The following MYDGF variants were observed in gnomAD, a reference collection of about 807,000 sequenced individuals.
MYDGF encodes myeloid derived growth factor.
A neutral mutation model predicts 24.2 loss-of-function variants in MYDGF; 29 were observed. The observed-to-expected ratio is 1.20, with a 90% CI of 0.89 to 1.63. The LOEUF (loss-of-function observed/expected upper bound fraction) is 1.63, where lower values mean the gene tolerates loss of function less well. MYDGF is among the 40% of genes most tolerant of loss of function. MYDGF has a pLI of 0.00. For missense variants in MYDGF, 245 were observed against 234.8 expected, an observed-to-expected ratio of 1.04 and a Z score of -0.29; for synonymous variants, 105 against 102.5, an observed-to-expected ratio of 1.02 and a Z score of -0.15.
intron 1 of MYDGF, 61 bp from the exon 2 acceptor site, chr19:4,668,706 C>T (rs967843207): frequency 2.1e-5 from 30 of 1,458,822 alleles, no homozygotes; most frequent in Middle Eastern, 2.4e-4. Context: ...GTTTAAGAGA[C>T]GGGGTCTTGC....
chr19:4,663,410 T>C (rs1229250098), intron 3 of MYDGF, among the ~76,000 whole-genome samples: 25 of 112,640 alleles, frequency 2.2e-4, no homozygotes, highest in South Asian at 3.6e-4. Flanking sequence ...CAGCCTCCAA[T>C]CTGTGCCCTC....
chr19:4,669,474 C>T (rs925270541), intron 1 of MYDGF, among the ~76,000 whole-genome samples: 3 of 152,062 alleles, frequency 2.0e-5, no homozygotes, highest in Non-Finnish European at 2.9e-5. Flanking sequence ...AACAATTATC[C>T]GGGTGTGGTG....
chr19:4,659,828 G>T, intron 5 of MYDGF, 103 bp downstream of exon 5: 1 of 984,242 alleles, frequency 1.0e-6, no homozygotes, highest in Non-Finnish European at 1.6e-6. Flanking sequence ...CTGGTCTACA[G>T]TCTCCAGGAC....
intron 3 of MYDGF, among the ~76,000 whole-genome samples, chr19:4,663,622 AG>A: frequency 2.2e-5 from 2 of 90,728 alleles, no homozygotes; most frequent in Non-Finnish European, 4.4e-5. Flanking sequence ...CTCATTCTAC[AG>A]CCTCCAATCT....
At chr19:4,666,413 T>C (rs997695805) in intron 2 of MYDGF, among the ~76,000 whole-genome samples, 1 of 151,950 alleles carries the variant, frequency 6.6e-6, no homozygotes, top group African/African-American at 2.4e-5. Context: ...GTAGCTGGGA[T>C]TACAGGCGCG....
At chr19:4,662,414 G>A (rs566202331) in intron 3 of MYDGF, among the ~76,000 whole-genome samples, 6 of 152,174 alleles carry the variant, frequency 3.9e-5, no homozygotes, top group African/African-American at 9.7e-5. Context: ...TGAAGCCCCC[G>A]ACCCCCTCCC....
chr19:4,668,618 C>T lies in MYDGF; in HGVS notation c.202G>A (p.Ala68Thr), dbSNP rs371227444. ...GDKYTCMFTY[A>T]SQGGTNEQWQ... ...ACCTCATTGGTCCCTCCTTGAGAGGCGTAAGTGAACATACACGTATATTTG... is the reference window on the plus strand; with the variant it reads ...ACCTCATTGGTCCCTCCTTGAGAGGTGTAAGTGAACATACACGTATATTTG... Residue 68 changes from alanine (A) to threonine (T), a missense_variant, in exon 2 of 6, where the codon GCC becomes ACC. Physicochemically the swap from Ala to Thr is moderately conservative, Grantham distance 58. Coordinates refer to ENST00000262947, the MANE Select transcript of MYDGF (RefSeq NM_019107.4). 4.4e-5 allele frequency: 71 copies of T among 1,612,708 alleles called. No homozygotes were observed. The highest frequency in any genetic ancestry group is 6.7e-5 in the African/African-American group (5 of 74,812).
chr19:4,668,345 T>C (rs1018278451), intron 2 of MYDGF, among the ~76,000 whole-genome samples: 1 of 152,234 alleles, frequency 6.6e-6, no homozygotes, highest in African/African-American at 2.4e-5. Flanking sequence ...CAGATGCTCA[T>C]GGGGATGGCA....
intron 3 of MYDGF, 51 bp downstream of exon 3, chr19:4,664,825 A>G (rs764739569): frequency 6.3e-7 from 1 of 1,597,404 alleles, no homozygotes; most frequent in South Asian, 1.1e-5. Context: ...TCCTGAGGCC[A>G]CAGGGCAGGC....
rs1262772904 is a variant in MYDGF, at chr19:4,670,272, T to G, written c.63A>C (p.Leu21=). 6.5e-7 allele frequency: 1 copy of G among 1,547,272 alleles called. No homozygotes were observed. ...CCGCCGGCCTCAGCGCCACGGCCCC[T>G]AGGAGCAGCGCGGCCCACAAGCTCG... ...VGASLWAALL[L]GAVALRPAEA... is the part of the protein sequence containing the mutation. Residue 21 remains leucine (L), a synonymous_variant, in exon 1 of 6, where the codon CTA becomes CTC. Transcript: ENST00000262947.
intron 2 of MYDGF, among the ~76,000 whole-genome samples, chr19:4,667,118 ACC>A (rs1314072487): frequency 1.9e-5 from 2 of 106,104 alleles, no homozygotes; most frequent in African/African-American, 3.6e-5. Context: ...GCTTCAAATC[ACC>A]CTTTTTTTTT....
At chr19:4,663,790 T>G (rs1295730984) in intron 3 of MYDGF, among the ~76,000 whole-genome samples, 2 of 46,590 alleles carry the variant, frequency 4.3e-5, no homozygotes, top group African/African-American at 2.2e-4. Context: ...CCCATCCTCA[T>G]TCTACACAGC....
At chr19:4,670,124 C>A in intron 1 of MYDGF, 37 bp downstream of exon 1, 3 of 1,451,012 alleles carry the variant, frequency 2.1e-6, no homozygotes, top group Non-Finnish European at 2.7e-6. Flanking sequence ...CCCGGGCCTG[C>A]CAGCACTCAA....
At chr19:4,662,490 G>A (rs1281458192) in intron 3 of MYDGF, among the ~76,000 whole-genome samples, 2 of 152,180 alleles carry the variant, frequency 1.3e-5, no homozygotes, top group Admixed American at 1.3e-4. Context: ...GATCTAGGCA[G>A]TGGGGTTACG....
chr19:4,668,496 T>C lies in MYDGF; in HGVS notation c.225+99A>G. ...GAAGAGTCATTCAATGAGTGTAAGG[T>C]GATATAGGTGAGACCCAACCCTGCT... On this transcript the variant is annotated intron_variant, in intron 2 of 5. Coordinates refer to ENST00000262947, the MANE Select transcript of MYDGF (RefSeq NM_019107.4). 3 of 974,882 alleles carry C rather than the reference T, an allele frequency of 3.1e-6. No individual in the cohort carries two copies. The East Asian group carries it at 7.3e-5, about 24-fold the overall frequency. The allele number at this position is 974,882 out of a possible 1,614,324, so 60.4% of individuals were successfully genotyped here.
intron 4 of MYDGF, 159 bp downstream of exon 4, chr19:4,660,510 T>C (rs1040619943): frequency 7.8e-6 from 5 of 639,710 alleles, no homozygotes; most frequent in Non-Finnish European, 1.3e-5. Context: ...TGGGGGCGTC[T>C]GTGTGCCAGG....
intron 3 of MYDGF, among the ~76,000 whole-genome samples, chr19:4,662,746 C>T (rs1159443659): frequency 6.6e-6 from 1 of 152,058 alleles, no homozygotes; most frequent in African/African-American, 2.4e-5. Flanking sequence ...TAAAGACCTG[C>T]CTGAGGGGAA....
At chr19:4,659,637 C>T (rs911949635) in intron 5 of MYDGF, 2 of 492,414 alleles carry the variant, frequency 4.1e-6, no homozygotes, top group Admixed American at 3.4e-5. Flanking sequence ...GCTGCGGTAA[C>T]AGGCATGAGC....
intron 2 of MYDGF, among the ~76,000 whole-genome samples, chr19:4,666,173 CGAT>C (rs373038208): frequency 6.6e-6 from 1 of 152,102 alleles, no homozygotes; most frequent in African/African-American, 2.4e-5. Flanking sequence ...GCCTCTTGCA[CGAT>C]GTTACCACCG....
Sources: allele counts gnomAD v4.1 joint callset (sites outside exome capture counted in the v4.1 genomes callset), GRCh38; gene constraint gnomAD v4.1.1; transcripts MANE v1.5; gene names NCBI Gene and HGNC (gene_info 2026-07-23, HGNC 2026-07-21).